The following XDH variants were observed in gnomAD, a reference collection of about 807,000 sequenced individuals.
XDH encodes xanthine dehydrogenase, also known as xanthine dehydrogenase/oxidase.
Under a neutral mutation model 156.1 loss-of-function variants are expected in XDH, and 138 were observed. The ratio of observed to expected loss-of-function variants is 0.88; its 90% CI spans 0.77 to 1.02. XDH has a LOEUF of 1.02. Ranked by LOEUF, XDH falls within the 50% of genes least tolerant of loss-of-function variation. The pLI is 0.00. For synonymous variants in XDH, 669 were observed against 625.7 expected (o/e 1.07, Z -1.03); for missense variants, 1,849 against 1,684.9 (o/e 1.10, Z -1.71).
At chr2:31,399,721 C>A (rs373537301) in intron 4 of XDH, among the ~76,000 whole-genome samples, 1 of 152,242 alleles carries the variant, frequency 6.6e-6, no homozygotes, top group South Asian at 2.1e-4. Context: ...ATAAATCTGA[C>A]GAAATCTGAA....
At chr2:31,374,415 C>A (rs1340867053) in intron 15 of XDH, among the ~76,000 whole-genome samples, 3 of 151,976 alleles carry the variant, frequency 2.0e-5, no homozygotes, top group Non-Finnish European at 4.4e-5. Context: ...AATAATATAT[C>A]CACATCAAAA....
intron 1 of XDH, among the ~76,000 whole-genome samples, chr2:31,408,527 G>A (rs966800054): frequency 5.3e-5 from 8 of 152,210 alleles, no homozygotes; most frequent in African/African-American, 1.7e-4. Flanking sequence ...GCCATAATGG[G>A]CTATAATACA....
rs71444495 is a variant in XDH, at chr2:31,371,302, G to C, written c.1857-824C>G. On this transcript the variant is annotated intron_variant, in intron 17 of 35. Coordinates refer to ENST00000379416, the MANE Select transcript of XDH (RefSeq NM_000379.4). ...ATGCTTAATCCTCACAAGAAACCCTGAAAGTACTTATCCTAATTCCCATTT... is the reference window on the plus strand; with the variant it reads ...ATGCTTAATCCTCACAAGAAACCCTCAAAGTACTTATCCTAATTCCCATTT... 8.4e-3 allele frequency among the ~76,000 whole-genome samples: 1,284 copies of C among 152,314 alleles called. 9 individuals carry two copies. Among genetic ancestry groups the C allele is most frequent in the Non-Finnish European group, 0.014 (947 of 68,020 alleles).
chr2:31,387,572 G>T (rs1197346367), intron 8 of XDH, among the ~76,000 whole-genome samples: 1 of 152,126 alleles, frequency 6.6e-6, no homozygotes, highest in Non-Finnish European at 1.5e-5. Context: ...CATTTAGCAA[G>T]GAACACAGAC....
intron 2 of XDH, among the ~76,000 whole-genome samples, chr2:31,404,796 G>C (rs1687151504): frequency 6.6e-6 from 1 of 152,028 alleles, no homozygotes; most frequent in South Asian, 2.1e-4. Flanking sequence ...ACCCACTTAA[G>C]GTAAAAAATC....
Position 31,405,983 on chromosome 2 carries a change from G to C in XDH, c.43-19C>G, listed in dbSNP as rs1687182443. 6.2e-7 allele frequency: 1 copy of C among 1,612,816 alleles called. No individual in the cohort carries two copies. Among genetic ancestry groups the C allele is most frequent in the Non-Finnish European group, 8.5e-7 (1 of 1,179,032 alleles). On this transcript the variant is annotated intron_variant, in intron 1 of 35. Transcript: ENST00000379416. Reference sequence around the variant, plus strand: ...CCACCACCTATTAAAATAAATGAAAGAAAAATATATCATAGGTATACTTAG... The same window carrying C: ...CCACCACCTATTAAAATAAATGAAACAAAAATATATCATAGGTATACTTAG...
At chr2:31,366,171 G>A (rs979096833) in intron 21 of XDH, 62 bp from the exon 22 acceptor site, 2 of 1,613,810 alleles carry the variant, frequency 1.2e-6, no homozygotes, top group East Asian at 2.2e-5. Flanking sequence ...TCAGGCCTAA[G>A]GCAGAGCCTG....
At position 31,368,451 on chromosome 2, in the gene XDH, C is replaced by T. The variant is rs1385393279; in HGVS notation, c.2100+90G>A. On this transcript the variant is annotated intron_variant, in intron 19 of 35. Transcript: ENST00000379416. ...ACCCATCTAGTCAAATCCCTACCTG[C>T]TGCTCAAATCCCCTCCAGGGGATCC... is the stretch of plus-strand genomic sequence containing the variant. 3.3e-6 allele frequency: 5 copies of T among 1,535,170 alleles called. No homozygotes were observed. In the African/African-American group the frequency reaches 6.8e-5, roughly 21 times the overall value.
chr2:31,402,341 G>T (rs1347971804), intron 3 of XDH, among the ~76,000 whole-genome samples: 3 of 152,086 alleles, frequency 2.0e-5, no homozygotes, highest in Non-Finnish European at 4.4e-5. Context: ...CATTTCCCTG[G>T]TGGAGCTCCT....
chr2:31,412,284 T>TATTC (rs1299533774), intron 1 of XDH, among the ~76,000 whole-genome samples: 1 of 152,114 alleles, frequency 6.6e-6, no homozygotes, highest in African/African-American at 2.4e-5. Flanking sequence ...GCCCTAGAGG[T>TATTC]ATTCGACTTC....
In XDH at chr2:31,365,504, C is replaced by G; in HGVS notation, c.2497G>C (p.Asp833His). Residue 833 changes from aspartate (D) to histidine (H), a missense_variant, in exon 23 of 36, where the codon GAC becomes CAC. By Grantham distance (81) the Asp-to-His change is moderately conservative. Transcript: ENST00000379416. The stretch of plus-strand genomic sequence containing the variant: ...TGTCTGCCACCAGTTATCAGCATGT[C>G]CTCATCACGGTCCAGCATGCATCGC... The part of the protein sequence containing the change: ...PVRCMLDRDE[D>H]MLITGGRHPF... 6.2e-7 allele frequency: 1 copy of G among 1,614,170 alleles called. No homozygotes were observed. Among genetic ancestry groups the G allele is most frequent in the Non-Finnish European group, 8.5e-7 (1 of 1,180,026 alleles).
chr2:31,339,619 G>A lies in XDH; in HGVS notation c.3644C>T (p.Ser1215Phe). The stretch of plus-strand genomic sequence containing the variant: ...ACGGGTGTGCAGGCTCCCCTCGGGG[G>A]AATAGTGTAGCTCCTCTAGGGTGAA... ...GLFTLEELHY[S>F]PEGSLHTRGP... The change falls in exon 34 of 36, where the codon TCC becomes TTC. Residue 1215 changes from serine to phenylalanine, a missense_variant. Physicochemically the swap from Ser to Phe is radical, Grantham distance 155. Transcript: ENST00000379416. 1.2e-6 allele frequency: 2 copies of A among 1,614,100 alleles called. No individual in the cohort carries two copies. The highest frequency in any genetic ancestry group is 1.1e-5 in the South Asian group (1 of 91,082).
Position 31,377,145 on chromosome 2 carries a change from T to TC in XDH, c.1334dup (p.Thr446AsnfsTer93). On this transcript the variant is annotated frameshift_variant, in exon 14 of 36. Coordinates refer to ENST00000379416, the MANE Select transcript of XDH (RefSeq NM_000379.4). LOFTEE classifies it high-confidence loss of function. ...GGGCCAGCTCCTGTACCTCTGTGGT[T>TC]CCTGGCTTGAATAAAACTCTCATGC... The TC allele has an allele frequency of 6.2e-7, 1 of 1,614,162 alleles. No homozygotes were observed. The highest frequency in any genetic ancestry group is 8.5e-7 in the Non-Finnish European group (1 of 1,180,022).
rs761998618 is a variant in XDH at position 31,337,595 on chromosome 2, T to G, written c.3951+46A>C. ...ACCTTCCCTGCAGTTTGCCAGCCTA[T>G]CCCTGGCCTCCCCTGGACTGAGTGG... On this transcript the variant is annotated intron_variant, in intron 35 of 35. Coordinates refer to ENST00000379416, the MANE Select transcript of XDH (RefSeq NM_000379.4). The G allele has an allele frequency of 7.4e-6, 12 of 1,612,568 alleles. No individual in the cohort carries two copies. In the Middle Eastern group the frequency reaches 8.1e-4, roughly 109 times the overall value.
Position 31,364,260 on chromosome 2 carries a change from A to C in XDH, c.2545-16T>G. On this transcript the variant is annotated splice_polypyrimidine_tract_variant and intron_variant, in intron 23 of 35. Transcript: ENST00000379416. ...TGAAGCCAACCTGATAAAAGGAGAA[A>C]GGAGAGGGATTTATCATAAGTCCCG... The C allele has an allele frequency of 6.2e-7, 1 of 1,613,716 alleles. No homozygotes were observed. The highest frequency in any genetic ancestry group is 1.1e-5 in the South Asian group (1 of 91,074).
In XDH at chr2:31,365,663, G is replaced by T. The variant is rs1685894598; in HGVS notation, c.2457-119C>A. On this transcript the variant is annotated intron_variant, in intron 22 of 35. Coordinates refer to ENST00000379416, the MANE Select transcript of XDH (RefSeq NM_000379.4). ...TTCCACCTGCACGCTGAGCAGACCT[G>T]TACAGGGCTGCTTTGCCATCTAGGC... The T allele has an allele frequency of 6.6e-6, 8 of 1,215,772 alleles. No individual in the cohort carries two copies. In the Admixed American group the frequency reaches 1.4e-4, roughly 21 times the overall value. 75.3% of individuals were successfully genotyped at this position (1,215,772 alleles called of 1,614,324 possible). A position where few individuals can be genotyped will look rare whatever the true frequency, so the allele number is the denominator to read the frequency against.
At position 31,413,002 on chromosome 2, in the gene XDH, G is replaced by A. The variant is rs45550833; in HGVS notation, c.42+1623C>T. On this transcript the variant is annotated intron_variant, in intron 1 of 35. Coordinates refer to ENST00000379416, the MANE Select transcript of XDH (RefSeq NM_000379.4). ...CCTAAAGTGAAAGTAAAATGCAAGGGAAAATAATTTTCCCCAAGCCAGATT... is the reference window on the plus strand; with the variant it reads ...CCTAAAGTGAAAGTAAAATGCAAGGAAAAATAATTTTCCCCAAGCCAGATT... Among the ~76,000 whole-genome samples, 1,172 of 152,262 alleles carry A rather than the reference G, an allele frequency of 7.7e-3. 13 individuals carry two copies. Among genetic ancestry groups the A allele is most frequent in the South Asian group, 0.041 (196 of 4,824 alleles).
intron 34 of XDH, 83 bp from the exon 35 acceptor site, chr2:31,337,900 A>C: frequency 6.7e-7 from 1 of 1,501,222 alleles, no homozygotes; most frequent in Non-Finnish European, 9.1e-7. Flanking sequence ...GAGGCCAGGC[A>C]GCAAACTCTG....
At position 31,383,702 on chromosome 2, in the gene XDH, C is replaced by T. The variant is rs1686503882; in HGVS notation, c.886+53G>A. 8 of 1,562,252 alleles carry T rather than the reference C, an allele frequency of 5.1e-6. No individual in the cohort carries two copies. In the African/African-American group the frequency reaches 6.7e-5, roughly 13 times the overall value. ...CTGATACCTGCCACCCACCTTGTAACCTATCCCCAGCCTCACAGCCCCTCC... is the reference window on the plus strand; with the variant it reads ...CTGATACCTGCCACCCACCTTGTAATCTATCCCCAGCCTCACAGCCCCTCC... On this transcript the variant is annotated intron_variant, in intron 10 of 35. Transcript: ENST00000379416.
Sources: gnomAD v4.1 joint callset for allele counts (sites outside exome capture counted in the v4.1 genomes callset) on GRCh38, gnomAD v4.1.1 for gene constraint, MANE v1.5 for transcripts, NCBI Gene and HGNC (gene_info 2026-07-23, HGNC 2026-07-21) for gene names.